NTM: variants seen among roughly 807,000 people sequenced by gnomAD.
NTM encodes neurotrimin, also known as IgLON family member 2.
A neutral mutation model predicts 42.1 loss-of-function variants in NTM; 13 were observed. The ratio of observed to expected loss-of-function variants is 0.31; its 90% confidence interval spans 0.20 to 0.49. NTM has a LOEUF of 0.49. Ranked by LOEUF, NTM falls within the 20% of genes least tolerant of loss-of-function variation. The pLI, the probability that NTM is intolerant of heterozygous loss-of-function variation, is 0.99. For synonymous variants in NTM, 187 were observed against 179.2 expected, an observed-to-expected ratio of 1.04 and a Z score of -0.35; for missense variants, 373 against 452.8, an observed-to-expected ratio of 0.82 and a Z score of 1.60.
At chr11:131,578,185 G>C (rs2512890) in intron 1 of NTM, among the ~76,000 whole-genome samples, 81,569 of 151,980 alleles carry the variant, frequency 0.54, 22,141 homozygotes, top group South Asian at 0.69. Flanking sequence ...TCAGGTGATC[G>C]AATCCAGAAA....
intron 1 of NTM, among the ~76,000 whole-genome samples, chr11:131,394,021 G>A (rs922401599): frequency 9.2e-5 from 14 of 152,200 alleles, no homozygotes; most frequent in Admixed American, 3.3e-4. Context: ...GGCAGGCCAG[G>A]AATTGATGTA....
intron 1 of NTM, among the ~76,000 whole-genome samples, chr11:131,475,269 A>G (rs1952810587): frequency 2.0e-5 from 3 of 152,182 alleles, no homozygotes; most frequent in African/African-American, 7.2e-5. Flanking sequence ...GGAAGCTGAT[A>G]ACTAATTATC....
chr11:131,952,578 T>G (rs1267912475), intron 2 of NTM, among the ~76,000 whole-genome samples: 2 of 152,244 alleles, frequency 1.3e-5, no homozygotes, highest in Non-Finnish European at 2.9e-5. Context: ...AATAGGTCTC[T>G]GTGCTTGTGA....
chr11:132,074,214 C>G (rs2058068894), intron 2 of NTM, among the ~76,000 whole-genome samples: 1 of 152,204 alleles, frequency 6.6e-6, no homozygotes, highest in Non-Finnish European at 1.5e-5. Flanking sequence ...CAAGGAAACT[C>G]TTGACTGACT....
chr11:131,514,858 C>A (rs1411701727), intron 1 of NTM, among the ~76,000 whole-genome samples: 1 of 151,970 alleles, frequency 6.6e-6, no homozygotes, highest in Non-Finnish European at 1.5e-5. Context: ...TCCCAAGATG[C>A]TGGGATTACA....
intron 1 of NTM, among the ~76,000 whole-genome samples, chr11:131,547,384 G>C (rs2054082974): frequency 1.3e-5 from 2 of 152,226 alleles, no homozygotes; most frequent in African/African-American, 4.8e-5. Context: ...GCCTTGGACA[G>C]AGAGAGAATG....
chr11:131,643,719 C>T (rs376441043), intron 1 of NTM, among the ~76,000 whole-genome samples: 3 of 152,186 alleles, frequency 2.0e-5, no homozygotes, highest in East Asian at 1.9e-4. Flanking sequence ...TGTCTGGTTG[C>T]TGGAGCTACA....
chr11:132,098,955 C>T (rs770841315), intron 2 of NTM, among the ~76,000 whole-genome samples: 1 of 152,188 alleles, frequency 6.6e-6, no homozygotes, highest in Non-Finnish European at 1.5e-5. Flanking sequence ...ACATTATGTT[C>T]ATGTTTAATC....
intron 1 of NTM, among the ~76,000 whole-genome samples, chr11:131,661,532 AATGT>A (rs2068068604): frequency 6.6e-6 from 1 of 152,198 alleles, no homozygotes; most frequent in Non-Finnish European, 1.5e-5. Context: ...AACTACTGTC[AATGT>A]ATTTTTCTAT....
chr11:132,239,450 G>T (rs1444421396), intron 4 of NTM, among the ~76,000 whole-genome samples: 2 of 152,142 alleles, frequency 1.3e-5, no homozygotes, highest in East Asian at 1.9e-4. Flanking sequence ...AAATTCCAGG[G>T]TTTCTTCTTT....
intron 1 of NTM, among the ~76,000 whole-genome samples, chr11:131,728,102 T>C (rs966459431): frequency 6.6e-6 from 1 of 151,992 alleles, no homozygotes; most frequent in African/African-American, 2.4e-5. Context: ...TGTAAAGACG[T>C]GAGTGGAAAA....
chr11:131,491,955 T>C (rs886620851), intron 1 of NTM, among the ~76,000 whole-genome samples: 1 of 152,226 alleles, frequency 6.6e-6, no homozygotes, highest in African/African-American at 2.4e-5. Context: ...GAGCACTTTA[T>C]ATGTATTAAC....
intron 1 of NTM, among the ~76,000 whole-genome samples, chr11:131,547,940 G>C (rs893126663): frequency 1.3e-5 from 2 of 152,124 alleles, no homozygotes; most frequent in Non-Finnish European, 2.9e-5. Context: ...CCTAGGAGGC[G>C]TCCGAATAAG....
chr11:131,395,014 T>C (rs1044219142), intron 1 of NTM, among the ~76,000 whole-genome samples: 5 of 152,190 alleles, frequency 3.3e-5, no homozygotes, highest in Admixed American at 3.3e-4. Flanking sequence ...GGGACCTTTC[T>C]CTGAGACTAC....
chr11:131,476,799 G>T (rs58147975), intron 1 of NTM, among the ~76,000 whole-genome samples: 1 of 132,648 alleles, frequency 7.5e-6, no homozygotes. Flanking sequence ...CCACATAGGC[G>T]GAAAAGCTCT....
intron 1 of NTM, among the ~76,000 whole-genome samples, chr11:131,457,730 A>C (rs930882585): frequency 1.3e-5 from 2 of 149,254 alleles, no homozygotes; most frequent in African/African-American, 2.5e-5. Flanking sequence ...CTCCCCCCCC[A>C]AATTTATGTG....
chr11:132,242,610 G>A lies in NTM; in HGVS notation c.526+30463G>A, dbSNP rs555531169. 4.7e-4 allele frequency among the ~76,000 whole-genome samples: 71 copies of A among 152,292 alleles called. 1 individual carries two copies. The highest frequency in any genetic ancestry group is 1.6e-3 in the African/African-American group (66 of 41,572). On this transcript the variant is annotated intron_variant, in intron 4 of 8. Coordinates refer to ENST00000683400, the MANE Select transcript of NTM (RefSeq NM_001352005.2). ...GCGCAGCCTGGGCTGGGTTTGCACC[G>A]CTTTCACACGGCCCGAGTAGCCACC...
chr11:131,495,578 G>C (rs1200865563), intron 1 of NTM, among the ~76,000 whole-genome samples: 1 of 152,270 alleles, frequency 6.6e-6, no homozygotes. Context: ...CTTGGGAGTA[G>C]GCTGCCCTCC....
chr11:132,292,279 G>A, intron 4 of NTM, among the ~76,000 whole-genome samples: 1 of 152,188 alleles, frequency 6.6e-6, no homozygotes, highest in East Asian at 1.9e-4. Context: ...GAGTTGCAGT[G>A]ATGGGTCATG....
Sources: allele counts gnomAD v4.1 joint callset (sites outside exome capture counted in the v4.1 genomes callset), GRCh38; gene constraint gnomAD v4.1.1; transcripts MANE v1.5; gene names NCBI Gene and HGNC (gene_info 2026-07-23, HGNC 2026-07-21).